KHDRBS2: variants seen among roughly 807,000 people sequenced by gnomAD.
The protein encoded by KHDRBS2 is KH domain-containing, RNA-binding, signal transduction-associated protein 2.
KHDRBS2 carries 26 observed loss-of-function variants against 44.3 expected under a neutral mutation model. That is an observed-to-expected ratio of 0.59 (90% CI 0.43 to 0.81). KHDRBS2 has a LOEUF of 0.81. Among genes scored for constraint, KHDRBS2 ranks in the 40% least tolerant of loss-of-function variants. KHDRBS2 has a pLI of 0.00. For synonymous variants in KHDRBS2, 194 were observed against 151.1 expected, an observed-to-expected ratio of 1.28 and a Z score of -2.08; for missense variants, 476 against 433.1, an observed-to-expected ratio of 1.10 and a Z score of -0.88.
intron 6 of KHDRBS2, among the ~76,000 whole-genome samples, chr6:61,807,699 A>C (rs1406461678): frequency 1.3e-5 from 2 of 152,036 alleles, no homozygotes; most frequent in Non-Finnish European, 2.9e-5. Context: ...AGAGGATCAG[A>C]AAAAAATTTA....
At chr6:62,104,327 A>G (rs79924470) in intron 2 of KHDRBS2, among the ~76,000 whole-genome samples, 2,267 of 152,256 alleles carry the variant, frequency 0.015, 153 homozygotes, top group Admixed American at 0.11. Flanking sequence ...GTTTTAGGGT[A>G]CATGTGCACA....
At chr6:62,019,651 A>T (rs1781890840) in intron 3 of KHDRBS2, among the ~76,000 whole-genome samples, 2 of 152,204 alleles carry the variant, frequency 1.3e-5, no homozygotes, top group Admixed American at 6.5e-5. Context: ...TTTCTTCTTA[A>T]ATAAACTTTG....
At chr6:61,943,855 T>C (rs1029252692) in intron 4 of KHDRBS2, among the ~76,000 whole-genome samples, 1 of 152,030 alleles carries the variant, frequency 6.6e-6, no homozygotes, top group African/African-American at 2.4e-5. Context: ...AGGACAAGCA[T>C]AGGTATTTCT....
chr6:62,264,104 C>T (rs1838805752), intron 1 of KHDRBS2, among the ~76,000 whole-genome samples: 1 of 151,504 alleles, frequency 6.6e-6, no homozygotes, highest in South Asian at 2.1e-4. Flanking sequence ...GGTATACAGC[C>T]AAATACACAG....
At chr6:61,684,334 C>A (rs1187694143) in intron 8 of KHDRBS2, among the ~76,000 whole-genome samples, 4 of 151,834 alleles carry the variant, frequency 2.6e-5, no homozygotes, top group African/African-American at 4.8e-5. Context: ...TAACCTGAGT[C>A]CCATGGAACC....
intron 6 of KHDRBS2, among the ~76,000 whole-genome samples, chr6:61,826,854 T>A (rs1414692952): frequency 6.6e-6 from 1 of 152,112 alleles, no homozygotes; most frequent in African/African-American, 2.4e-5. Context: ...ATAATTTTTT[T>A]AGTGTGAGTT....
intron 4 of KHDRBS2, among the ~76,000 whole-genome samples, chr6:61,923,382 A>G (rs867334885): frequency 6.6e-6 from 1 of 152,198 alleles, no homozygotes; most frequent in Middle Eastern, 3.4e-3. Flanking sequence ...TAAAGGAATT[A>G]GAAAAATTTT....
intron 1 of KHDRBS2, among the ~76,000 whole-genome samples, chr6:62,217,008 C>T (rs1585249138): frequency 7.0e-6 from 1 of 142,632 alleles, no homozygotes; most frequent in Non-Finnish European, 1.5e-5. Flanking sequence ...TATATCTTCT[C>T]AGAAAGAGAT....
chr6:61,627,625 A>AT, the KHDRBS2 span, among the ~76,000 whole-genome samples: 4 of 152,312 alleles, frequency 2.6e-5, no homozygotes, highest in East Asian at 7.8e-4. Flanking sequence ...TGAAGCCCCA[A>AT]TAAAAACTCA....
At chr6:62,126,813 T>C (rs1809084331) in intron 2 of KHDRBS2, among the ~76,000 whole-genome samples, 1 of 152,252 alleles carries the variant, frequency 6.6e-6, no homozygotes, top group Admixed American at 6.5e-5. Flanking sequence ...ACTACTGATG[T>C]AATAGTTATT....
chr6:61,588,295 T>C, the KHDRBS2 span, among the ~76,000 whole-genome samples: 2 of 152,208 alleles, frequency 1.3e-5, no homozygotes, highest in African/African-American at 4.8e-5. Context: ...AGGACATTCA[T>C]TGCAGCTGCT....
At chr6:61,592,696 C>T in the KHDRBS2 span, among the ~76,000 whole-genome samples, 1 of 151,624 alleles carries the variant, frequency 6.6e-6, no homozygotes, top group Non-Finnish European at 1.5e-5. Flanking sequence ...TTTTTAGTCT[C>T]CCAGCTGAAA....
intron 6 of KHDRBS2, among the ~76,000 whole-genome samples, chr6:61,782,019 T>C (rs1783006772): frequency 6.6e-6 from 1 of 152,124 alleles, no homozygotes; most frequent in Non-Finnish European, 1.5e-5. Context: ...AAGTGTTTTT[T>C]GGTTTGTTTC....
At position 62,279,771 on chromosome 6, in the gene KHDRBS2, C is replaced by T. The variant is rs371471514; in HGVS notation, c.91+6087G>A. On this transcript the variant is annotated intron_variant, in intron 1 of 8. Coordinates refer to ENST00000281156, the MANE Select transcript of KHDRBS2 (RefSeq NM_152688.4). ...TTCTAAAGTGAGGTCTTAGCATGTG[C>T]AACACCTTAGAGATAGGAGAGGACA... 5.9e-5 allele frequency among the ~76,000 whole-genome samples: 9 copies of T among 152,280 alleles called. No individual in the cohort carries two copies. In the South Asian group the frequency reaches 6.2e-4, roughly 11 times the overall value.
intron 6 of KHDRBS2, among the ~76,000 whole-genome samples, chr6:61,881,657 A>G (rs1013799493): frequency 1.3e-5 from 2 of 152,000 alleles, no homozygotes; most frequent in African/African-American, 2.4e-5. Flanking sequence ...AAGGACTTCA[A>G]TAAGGAATCC....
chr6:61,770,234 A>G (rs1428752685), intron 6 of KHDRBS2, among the ~76,000 whole-genome samples: 3 of 152,256 alleles, frequency 2.0e-5, no homozygotes, highest in Non-Finnish European at 4.4e-5. Flanking sequence ...CAAAGATGGG[A>G]AAAAAACAGA....
rs1410535207 is a variant in KHDRBS2 at position 61,867,735 on chromosome 6, C to A, written c.810+26900G>T. Among the ~76,000 whole-genome samples the A allele has an allele frequency of 3.9e-5, 6 of 152,126 alleles. No individual in the cohort carries two copies. In the East Asian group the frequency reaches 9.6e-4, roughly 24 times the overall value. On this transcript the variant is annotated intron_variant, in intron 6 of 8. Coordinates refer to ENST00000281156, the MANE Select transcript of KHDRBS2 (RefSeq NM_152688.4). ...CCGTTTGCTGGCCATCTGCTCTAGACCTTAGTCACCGCAGCTTTTCCAGTA... is the reference window on the plus strand; with the variant it reads ...CCGTTTGCTGGCCATCTGCTCTAGAACTTAGTCACCGCAGCTTTTCCAGTA...
At chr6:61,802,729 A>AT (rs1310864410) in intron 6 of KHDRBS2, among the ~76,000 whole-genome samples, 1 of 152,098 alleles carries the variant, frequency 6.6e-6, no homozygotes, top group African/African-American at 2.4e-5. Context: ...TTTTCTTATA[A>AT]TTTTACACAT....
chr6:62,172,973 T>C (rs533989708), intron 2 of KHDRBS2, among the ~76,000 whole-genome samples: 1 of 151,870 alleles, frequency 6.6e-6, no homozygotes, highest in African/African-American at 2.4e-5. Flanking sequence ...AAAATGCCCA[T>C]ATCACATAAC....
Sources: gnomAD v4.1 joint callset for allele counts (sites outside exome capture counted in the v4.1 genomes callset) on GRCh38, gnomAD v4.1.1 for gene constraint, MANE v1.5 for transcripts, NCBI Gene and HGNC (gene_info 2026-07-23, HGNC 2026-07-21) for gene names.